The following MTHFD1 variants were observed in gnomAD, a reference collection of about 807,000 sequenced individuals.
MTHFD1 encodes methylenetetrahydrofolate dehydrogenase, cyclohydrolase and formyltetrahydrofolate synthetase 1.
In MTHFD1, 44 loss-of-function variants were observed where a neutral mutation model predicts 110.3. The observed-to-expected ratio is 0.40, with a 90% CI of 0.31 to 0.51. The LOEUF (loss-of-function observed/expected upper bound fraction) is 0.51, where lower values mean the gene tolerates loss of function less well. Among genes scored for constraint, MTHFD1 ranks in the 20% least tolerant of loss-of-function variants. The pLI, the probability that MTHFD1 is intolerant of heterozygous loss-of-function variation, is 0.60. For synonymous variants in MTHFD1, 402 were observed against 428.8 expected (o/e 0.94, Z 0.77); for missense variants, 909 against 1,173.1 (o/e 0.77, Z 3.29).
chr14:64,436,226 C>G (rs2078205127), intron 16 of MTHFD1, among the ~76,000 whole-genome samples: 1 of 152,106 alleles, frequency 6.6e-6, no homozygotes, highest in Admixed American at 6.5e-5. Context: ...TCCCGAGTAA[C>G]TGGGACTACA....
chr14:64,455,129 G>A, intron 26 of MTHFD1: 1 of 468,626 alleles, frequency 2.1e-6, no homozygotes, highest in Non-Finnish European at 3.9e-6. Context: ...CTGTTTCCCA[G>A]GGACAGTATG....
rs187742153 is a variant in MTHFD1 at position 64,435,964 on chromosome 14, A to C, written c.1597+293A>C. Among the ~76,000 whole-genome samples the C allele has an allele frequency of 3.0e-3, 455 of 152,350 alleles. 2 individuals carry two copies. Among genetic ancestry groups the C allele is most frequent in the African/African-American group, 0.01 (428 of 41,582 alleles). On this transcript the variant is annotated intron_variant, in intron 16 of 27. Transcript: ENST00000652337. ...AATCACATTTTACAAATTTAATTTT[A>C]TGCAAAAAGTTTTAGTGTCATGAAG...
Position 64,426,160 on chromosome 14 carries a change from C to T in MTHFD1, c.1095C>T (p.His365=), listed in dbSNP as rs1287490450. The change falls in exon 11 of 28, where the codon CAC becomes CAT. Residue 365 remains histidine (H), a synonymous_variant. Coordinates refer to ENST00000652337, the MANE Select transcript of MTHFD1 (RefSeq NM_005956.4). ...VLLSALERLK[H]RPDGKYVVVT... ...TGTCAGCACTAGAACGCCTGAAGCA[C>T]CGGCCTGATGGGAAATACGTGGTGG... The T allele has an allele frequency of 6.2e-7, 1 of 1,614,120 alleles. No homozygotes were observed. Among genetic ancestry groups the T allele is most frequent in the South Asian group, 1.1e-5 (1 of 91,076 alleles).
chr14:64,453,041 T>C (rs2078401076), intron 24 of MTHFD1, among the ~76,000 whole-genome samples: 1 of 151,920 alleles, frequency 6.6e-6, no homozygotes, highest in Admixed American at 6.6e-5. Flanking sequence ...CTACTTTTTA[T>C]TTATGAAGAA....
At chr14:64,411,208 T>C in intron 3 of MTHFD1, 59 bp downstream of exon 3, 1 of 1,224,758 alleles carries the variant, frequency 8.2e-7, no homozygotes, top group Non-Finnish European at 1.2e-6. Context: ...TCCTATCGAT[T>C]ACCCCTTGCC....
chr14:64,439,636 C>T (rs1441348935), intron 17 of MTHFD1, among the ~76,000 whole-genome samples: 3 of 151,956 alleles, frequency 2.0e-5, no homozygotes, highest in Admixed American at 2.0e-4. Flanking sequence ...CGTGGTGGCT[C>T]ACGCCTGTAA....
At position 64,397,455 on chromosome 14, in the gene MTHFD1, G is replaced by A. The variant is rs137915640; in HGVS notation, c.42-3338G>A. On this transcript the variant is annotated intron_variant, in intron 1 of 27. Transcript: ENST00000652337. ...CTACAGGCGCGTGCCACCACGCCTG[G>A]CTGATTTTTCGTATTTTTTAGTGGA... Among the ~76,000 whole-genome samples, 819 of 151,724 alleles carry A rather than the reference G, an allele frequency of 5.4e-3. 7 individuals carry two copies. The highest frequency in any genetic ancestry group is 0.019 in the African/African-American group (774 of 41,384).
intron 19 of MTHFD1, 120 bp from the exon 20 acceptor site, chr14:64,441,933 AT>A (rs2078252647): frequency 1.4e-6 from 1 of 736,240 alleles, no homozygotes; most frequent in Non-Finnish European, 2.4e-6. Context: ...AGATGACTTT[AT>A]ATTTTCCCTC....
In MTHFD1 at chr14:64,417,918, T is replaced by TG; in HGVS notation, c.511dup (p.Val171GlyfsTer5). Reference sequence around the variant, plus strand: ...CCGATTGCCGGAAGGCATGCTGTGGTGGTTGGGCGCAGTAAAATAGTTGGG... The same window carrying TG: ...CCGATTGCCGGAAGGCATGCTGTGGTGGGTTGGGCGCAGTAAAATAGTTGGG... On this transcript the variant is annotated frameshift_variant, in exon 7 of 28. Transcript: ENST00000652337. LOFTEE classifies it high-confidence loss of function. This position sits in a 1 kb window ranked among gnomAD's most constrained non-coding sequence, Gnocchi z 4.4. 1 of 1,613,034 alleles carries TG rather than the reference T, an allele frequency of 6.2e-7. No individual in the cohort carries two copies.
At position 64,433,055 on chromosome 14, in the gene MTHFD1, T is replaced by G. The variant is rs573569125; in HGVS notation, c.1494+1194T>G. Among the ~76,000 whole-genome samples the G allele has an allele frequency of 2.0e-5, 3 of 151,272 alleles. No individual in the cohort carries two copies. The East Asian group carries it at 5.9e-4, about 30-fold the overall frequency. On this transcript the variant is annotated intron_variant, in intron 15 of 27. Coordinates refer to ENST00000652337, the MANE Select transcript of MTHFD1 (RefSeq NM_005956.4). ...GGGATTACTGGCGTGAGCCACCACG[T>G]CTGGCCACAAGGGATTTTTTGTTTT...
In MTHFD1 at chr14:64,454,803, A is replaced by G; in HGVS notation, c.2646A>G (p.Thr882=). 1 of 1,614,158 alleles carries G rather than the reference A, an allele frequency of 6.2e-7. No homozygotes were observed. The highest frequency in any genetic ancestry group is 8.5e-7 in the Non-Finnish European group (1 of 1,179,998). ...ACCCAGAGCAAAAAGGTGTCCCTAC[A>G]GGCTTCATTCTGCCCATTCGCGACA... ...SHNPEQKGVP[T]GFILPIRDIR... is the part of the protein sequence containing the mutation. The change falls in exon 26 of 28, where the codon ACA becomes ACG. Residue 882 remains threonine, a synonymous_variant. Transcript: ENST00000652337.
At chr14:64,394,950 G>A (rs2077835356) in intron 1 of MTHFD1, among the ~76,000 whole-genome samples, 1 of 152,154 alleles carries the variant, frequency 6.6e-6, no homozygotes, top group African/African-American at 2.4e-5. Flanking sequence ...GGGACCTAGA[G>A]CTGTTCATTG....
In MTHFD1 at chr14:64,448,217, A is replaced by C. The variant is rs757711180; in HGVS notation, c.2179A>C (p.Asn727His). The change falls in exon 23 of 28, where the codon AAC becomes CAC. Residue 727 changes from asparagine (N) to histidine (H), a missense_variant and splice_region_variant. Around this residue, in one of 3 missense-constraint regions of MTHFD1, gnomAD observed 482 missense variants for 646.0 expected, o/e 0.75. Transcript: ENST00000652337. ...AGGCCTTTCACTGTTGTTTTTACAGAACCTGGAGCTGGTTGAAAAAGGCTT... is the reference window on the plus strand; with the variant it reads ...AGGCCTTTCACTGTTGTTTTTACAGCACCTGGAGCTGGTTGAAAAAGGCTT... ...LPLPKAYIQE[N>H]LELVEKGFSN... The C allele has an allele frequency of 6.2e-7, 1 of 1,613,222 alleles. No homozygotes were observed. The highest frequency in any genetic ancestry group is 8.5e-7 in the Non-Finnish European group (1 of 1,179,132).
intron 23 of MTHFD1, chr14:64,448,990 G>T: frequency 4.0e-6 from 1 of 248,994 alleles, no homozygotes; most frequent in South Asian, 4.9e-5. Context: ...TAGTAGAGAC[G>T]GGGTTTCACC....
At chr14:64,406,563 G>C (rs1198818991) in intron 2 of MTHFD1, among the ~76,000 whole-genome samples, 1 of 146,732 alleles carries the variant, frequency 6.8e-6, no homozygotes, top group East Asian at 2.1e-4. Context: ...TGTGATCACA[G>C]TTCATTGCAG....
chr14:64,456,650 GCT>G (rs1596570539), intron 26 of MTHFD1, among the ~76,000 whole-genome samples: 1 of 152,064 alleles, frequency 6.6e-6, no homozygotes, highest in East Asian at 1.9e-4. Flanking sequence ...CGGTTTTTCT[GCT>G]GTGTCTAAGG....
In MTHFD1 at chr14:64,421,912, A is replaced by C. The variant is rs534605356; in HGVS notation, c.727+1987A>C. On this transcript the variant is annotated intron_variant, in intron 8 of 27. Coordinates refer to ENST00000652337, the MANE Select transcript of MTHFD1 (RefSeq NM_005956.4). The stretch of plus-strand genomic sequence containing the variant: ...AGTGCTGGGATTACAGGCGTGAGCC[A>C]CCGCACCCAGCAAGCTCAGTCTTTT... Among the ~76,000 whole-genome samples, 5 of 152,058 alleles carry C rather than the reference A, an allele frequency of 3.3e-5. No individual in the cohort carries two copies. The South Asian group carries it at 1.0e-3, about 32-fold the overall frequency.
chr14:64,456,949 C>T (rs763978368), intron 26 of MTHFD1, among the ~76,000 whole-genome samples: 5 of 152,124 alleles, frequency 3.3e-5, no homozygotes, highest in Non-Finnish European at 7.3e-5. Flanking sequence ...TTATATAGGA[C>T]ATTGTTACAG....
chr14:64,396,844 C>G (rs1040258340), intron 1 of MTHFD1, among the ~76,000 whole-genome samples: 17 of 149,986 alleles, frequency 1.1e-4, no homozygotes, highest in Non-Finnish European at 1.9e-4. Flanking sequence ...GTGGCTCACT[C>G]CTGTAATCCC....
Sources: gnomAD v4.1 joint callset for allele counts (sites outside exome capture counted in the v4.1 genomes callset) on GRCh38, gnomAD v4.1.1 for gene constraint, gnomAD v4.1.1 regional missense constraint, Gnocchi (gnomAD v3.1) non-coding constraint, MANE v1.5 for transcripts, NCBI Gene and HGNC (gene_info 2026-07-23, HGNC 2026-07-21) for gene names.